TRMT11: variants seen among roughly 807,000 people sequenced by gnomAD.
The protein encoded by TRMT11 is tRNA (guanine(10)-N(2))-methyltransferase TRMT11.
In TRMT11, 53 loss-of-function variants were observed where a neutral mutation model predicts 62.8. That is an observed-to-expected ratio of 0.84 (90% CI 0.68 to 1.06). The LOEUF is 1.06. Ranked by LOEUF, TRMT11 falls within the 50% of genes least tolerant of loss-of-function variation. The pLI is 0.00. For missense variants in TRMT11, 556 were observed against 553.4 expected (o/e 1.00, Z -0.05); for synonymous variants, 188 against 190.3 (o/e 0.99, Z 0.10).
chr6:126,165,301 G>T (rs763353016), intron 21 of TRMT11, among the ~76,000 whole-genome samples: 1 of 151,154 alleles, frequency 6.6e-6, no homozygotes, highest in African/African-American at 2.4e-5. Context: ...AAATTGCTAT[G>T]TGTGAATTTG....
chr6:126,171,694 A>C (rs1778331230), intron 21 of TRMT11, among the ~76,000 whole-genome samples: 1 of 151,990 alleles, frequency 6.6e-6, no homozygotes, highest in African/African-American at 2.4e-5. Context: ...TTAAAATCGG[A>C]TCTTGAGAAA....
At chr6:126,154,105 A>G (rs1778090073) in intron 21 of TRMT11, among the ~76,000 whole-genome samples, 1 of 152,168 alleles carries the variant, frequency 6.6e-6, no homozygotes, top group Admixed American at 6.5e-5. Context: ...TTTTTTCTTG[A>G]CATCTGCCAC....
chr6:126,023,664 A>C (rs546176578), intron 12 of TRMT11, among the ~76,000 whole-genome samples: 20 of 152,178 alleles, frequency 1.3e-4, no homozygotes, highest in East Asian at 5.8e-4. Flanking sequence ...ACAACAACAA[A>C]AAAAATAAAA....
At chr6:126,027,501 T>G (rs1773405601) in intron 12 of TRMT11, among the ~76,000 whole-genome samples, 1 of 152,200 alleles carries the variant, frequency 6.6e-6, no homozygotes, top group Admixed American at 6.5e-5. Context: ...TGTGCCCTAT[T>G]TATTTTGTGG....
At chr6:125,996,665 T>G (rs1791573923) in intron 3 of TRMT11, among the ~76,000 whole-genome samples, 1 of 152,228 alleles carries the variant, frequency 6.6e-6, no homozygotes. Flanking sequence ...TATTTTTAAC[T>G]AGCATCTTAA....
chr6:125,994,645 GATAC>G (rs1280905301), intron 2 of TRMT11, among the ~76,000 whole-genome samples: 1 of 152,156 alleles, frequency 6.6e-6, no homozygotes. Flanking sequence ...CTATTATAAA[GATAC>G]ATGCATGCAT....
intron 11 of TRMT11, among the ~76,000 whole-genome samples, chr6:126,020,255 A>T (rs1477790260): frequency 1.3e-5 from 2 of 152,268 alleles, no homozygotes; most frequent in African/African-American, 4.8e-5. Context: ...CCATCCAAAA[A>T]GGTGTAAAAA....
chr6:126,261,364 T>C, the TRMT11 span, among the ~76,000 whole-genome samples: 1 of 152,208 alleles, frequency 6.6e-6, no homozygotes, highest in Non-Finnish European at 1.5e-5. Context: ...TGTATTCTCT[T>C]GTATCTCACT....
At chr6:126,149,586 T>C (rs957258542) in intron 21 of TRMT11, among the ~76,000 whole-genome samples, 1 of 152,198 alleles carries the variant, frequency 6.6e-6, no homozygotes, top group African/African-American at 2.4e-5. Context: ...AAACTCAAGT[T>C]AGGTATATGC....
intron 16 of TRMT11, among the ~76,000 whole-genome samples, chr6:126,048,590 C>T (rs535297425): frequency 1.3e-5 from 2 of 152,274 alleles, no homozygotes; most frequent in East Asian, 3.9e-4. Context: ...CTAGCACCAT[C>T]CAGATTGCCA....
At chr6:126,228,338 T>A in the TRMT11 span, among the ~76,000 whole-genome samples, 6 of 152,304 alleles carry the variant, frequency 3.9e-5, no homozygotes, top group East Asian at 9.6e-4. Flanking sequence ...CTCTGCTTTC[T>A]GCCAGCACGA....
downstream of TRMT11, among the ~76,000 whole-genome samples, chr6:126,206,536 G>C (rs911604775): frequency 2.0e-5 from 3 of 152,258 alleles, no homozygotes; most frequent in East Asian, 5.8e-4. Context: ...TTTCAGCCTT[G>C]CAATACAATA....
At chr6:126,070,235 C>T (rs1373385034) in intron 17 of TRMT11, among the ~76,000 whole-genome samples, 1 of 152,148 alleles carries the variant, frequency 6.6e-6, no homozygotes, top group African/African-American at 2.4e-5. Flanking sequence ...ATATCAGGAT[C>T]AAGAGACGAG....
At chr6:126,196,884 A>T (rs1778673251) in intron 1 of TRMT11, among the ~76,000 whole-genome samples, 1 of 152,118 alleles carries the variant, frequency 6.6e-6, no homozygotes, top group Non-Finnish European at 1.5e-5. Flanking sequence ...AAGGTTTATG[A>T]TTTTCTGATA....
At chr6:126,205,406 A>C (rs1322631381), downstream of TRMT11, among the ~76,000 whole-genome samples, 1 of 152,184 alleles carries the variant, frequency 6.6e-6, no homozygotes, top group African/African-American at 2.4e-5. Flanking sequence ...CAGGAGGCTG[A>C]GGCAGGAGAA....
the TRMT11 span, among the ~76,000 whole-genome samples, chr6:126,268,112 T>C: frequency 4.6e-5 from 7 of 152,294 alleles, no homozygotes; most frequent in East Asian, 1.2e-3. Context: ...CTAAAGTTCT[T>C]CCCTGTGTTC....
intron 17 of TRMT11, among the ~76,000 whole-genome samples, chr6:126,104,722 GA>G (rs1248072259): frequency 4.6e-5 from 7 of 152,174 alleles, no homozygotes; most frequent in African/African-American, 1.7e-4. Context: ...TCCTAAATAT[GA>G]GACACATTTA....
intron 2 of TRMT11, among the ~76,000 whole-genome samples, chr6:125,994,905 A>G (rs572357573): frequency 1.3e-4 from 20 of 152,344 alleles, no homozygotes; most frequent in Admixed American, 7.2e-4. Flanking sequence ...ACGTGTTCTC[A>G]CTTATAAGTG....
intron 21 of TRMT11, among the ~76,000 whole-genome samples, chr6:126,146,065 A>AC (rs1777970857): frequency 6.6e-6 from 1 of 152,180 alleles, no homozygotes; most frequent in Non-Finnish European, 1.5e-5. Context: ...GGAGAACTTA[A>AC]CCTTCAGGAA....
Sources: allele counts gnomAD v4.1 joint callset (sites outside exome capture counted in the v4.1 genomes callset), GRCh38; gene constraint gnomAD v4.1.1; transcripts MANE v1.5; gene names NCBI Gene and HGNC (gene_info 2026-07-23, HGNC 2026-07-21).